USP9X: variants seen among roughly 807,000 people sequenced by gnomAD.
The protein encoded by USP9X is ubiquitin carboxyl-terminal hydrolase 9X.
In USP9X, 7 loss-of-function variants were observed where a neutral mutation model predicts 190.3. The observed-to-expected ratio is 0.04, with a 90% CI of 0.02 to 0.07. The LOEUF (loss-of-function observed/expected upper bound fraction) is 0.07. Ranked by LOEUF, USP9X falls within the 10% of genes least tolerant of loss-of-function variation. The pLI is 1.00. For synonymous variants in USP9X, 645 were observed against 659.5 expected (o/e 0.98, Z 0.34); for missense variants, 1,010 against 1,916.9 (o/e 0.53, Z 8.83).
intron 41 of USP9X, among the ~76,000 whole-genome samples, chrX:41,228,556 G>A (rs2063334594): frequency 8.9e-6 from 1 of 112,127 alleles, no homozygotes; most frequent in African/African-American, 3.2e-5. Flanking sequence ...TGCCTTCAGA[G>A]ATGCAGTTTT....
At chrX:41,153,730 T>C (rs773779426) in intron 14 of USP9X, among the ~76,000 whole-genome samples, 1 of 112,236 alleles carries the variant, frequency 8.9e-6, no homozygotes, top group South Asian at 3.6e-4. Context: ...CTTCTCAGTA[T>C]ATACTGTTCC....
In USP9X at chrX:41,205,450, C is replaced by A. The variant is rs1206153335; in HGVS notation, c.4972C>A (p.Arg1658=). Reference sequence around the variant, plus strand: ...CATCTTTGGTCATTTAGCTGCTTCTCGACTGCAATACTATGTGCCCAGAGG... The same window carrying A: ...CATCTTTGGTCATTTAGCTGCTTCTAGACTGCAATACTATGTGCCCAGAGG... The part of the protein sequence containing the change: ...QVIFGHLAAS[R]LQYYVPRGFW... The change falls in exon 32 of 45, where the codon CGA becomes AGA. Residue 1658 remains arginine (R), a synonymous_variant. Transcript: ENST00000378308. 2 of 1,210,431 alleles carry A rather than the reference C, an allele frequency of 1.7e-6. No homozygotes were observed. The highest frequency in any genetic ancestry group is 3.0e-5 in the East Asian group (1 of 33,776).
In USP9X at chrX:41,229,503, A is replaced by G. The variant is rs2063342661; in HGVS notation, c.7219-64A>G. The stretch of plus-strand genomic sequence containing the variant: ...AGAATCATGAGAACTTGGGGTTGTC[A>G]TTTTAAGTTAACTTTGAAGTATTCC... On this transcript the variant is annotated intron_variant, in intron 42 of 44. Transcript: ENST00000378308. 26 of 1,167,925 alleles carry G rather than the reference A, an allele frequency of 2.2e-5. No homozygotes were observed. The South Asian group carries it at 4.2e-4, about 19-fold the overall frequency.
intron 20 of USP9X, among the ~76,000 whole-genome samples, chrX:41,171,151 AC>A (rs932190628): frequency 1.3e-4 from 14 of 111,690 alleles, no homozygotes; most frequent in Admixed American, 1.2e-3. Flanking sequence ...TAAAATTTAT[AC>A]CACAAAACGG....
At chrX:41,089,324 A>G (rs772711544) in intron 1 of USP9X, among the ~76,000 whole-genome samples, 68 of 111,990 alleles carry the variant, frequency 6.1e-4, no homozygotes, top group Non-Finnish European at 9.8e-4. Context: ...GTGAAATGAC[A>G]CTGATTGCTA....
At chrX:41,167,828 T>C (rs887119583) in intron 17 of USP9X, among the ~76,000 whole-genome samples, 179 bp from the exon 18 acceptor site, 1 of 112,502 alleles carries the variant, frequency 8.9e-6, no homozygotes, top group African/African-American at 3.2e-5. Context: ...ACTTATGTAA[T>C]GCTAGCTTCC....
chrX:41,224,727 A>T lies in USP9X; in HGVS notation c.6752-15A>T. The T allele has an allele frequency of 8.5e-7, 1 of 1,177,637 alleles. No homozygotes were observed. The highest frequency in any genetic ancestry group is 2.3e-5 in the Admixed American group (1 of 44,172). ...AGCTTATTAGTTTTTTATTGGTGAC[A>T]AATCTGTATTCTAGGTAATCCTCCT... On this transcript the variant is annotated splice_polypyrimidine_tract_variant and intron_variant, in intron 39 of 44. Coordinates refer to ENST00000378308, the MANE Select transcript of USP9X (RefSeq NM_001039591.3).
intron 1 of USP9X, among the ~76,000 whole-genome samples, chrX:41,086,634 C>G (rs1306472507): frequency 8.9e-6 from 1 of 112,254 alleles, no homozygotes; most frequent in Non-Finnish European, 1.9e-5. Context: ...CCGCCTCCCC[C>G]CACCCTCCCG....
chrX:41,210,815 A>G, intron 33 of USP9X, 133 bp downstream of exon 33: 1 of 688,790 alleles, frequency 1.5e-6, no homozygotes, highest in Non-Finnish European at 2.1e-6. Flanking sequence ...AGAATGATTT[A>G]TATACTTTGC....
chrX:41,216,152 A>G lies in USP9X; in HGVS notation c.5585A>G (p.Lys1862Arg). ...GAAAGTGAGACAGCAGGAAGCACAA[A>G]ATACAGACTTGTGGGTGTGCTCGTA... The part of the protein sequence containing the change: ...QSESETAGST[K>R]YRLVGVLVHS... Residue 1862 changes from lysine to arginine, a missense_variant, in exon 35 of 45, where the codon AAA becomes AGA. By Grantham distance (26) the Lys-to-Arg change is conservative. Transcript: ENST00000378308. 2 of 1,211,752 alleles carry G rather than the reference A, an allele frequency of 1.7e-6. No homozygotes were observed. Among genetic ancestry groups the G allele is most frequent in the Non-Finnish European group, 2.2e-6 (2 of 895,529 alleles).
intron 38 of USP9X, among the ~76,000 whole-genome samples, chrX:41,221,029 C>T (rs1352218497): frequency 2.8e-5 from 3 of 108,625 alleles, no homozygotes; most frequent in Admixed American, 9.9e-5. Flanking sequence ...TTTGGGAGGC[C>T]GAGGCAGGCA....
chrX:41,189,729 G>A (rs962592130), intron 26 of USP9X: 3 of 241,632 alleles, frequency 1.2e-5, no homozygotes, highest in Non-Finnish European at 2.2e-5. Context: ...GAGGTATATA[G>A]ATTAGCCTAT....
At chrX:41,186,492 A>G in intron 23 of USP9X, 25 bp from the exon 24 acceptor site, 3 of 1,209,096 alleles carry the variant, frequency 2.5e-6, no homozygotes, top group Non-Finnish European at 3.4e-6. Flanking sequence ...TATTTACTCC[A>G]AATAAAATGG....
intron 32 of USP9X, among the ~76,000 whole-genome samples, chrX:41,205,844 T>C (rs944150270): frequency 6.4e-5 from 7 of 109,710 alleles, no homozygotes; most frequent in African/African-American, 2.3e-4. Context: ...ATTTAATCTA[T>C]ATTCTTAACC....
chrX:41,113,823 A>T (rs1255889887), intron 1 of USP9X, among the ~76,000 whole-genome samples: 1 of 111,806 alleles, frequency 8.9e-6, no homozygotes, highest in Non-Finnish European at 1.9e-5. Flanking sequence ...ATACATGTAG[A>T]TAATAATCTA....
chrX:41,156,582 A>G (rs949175468), intron 14 of USP9X, among the ~76,000 whole-genome samples: 2 of 111,765 alleles, frequency 1.8e-5, no homozygotes, highest in Non-Finnish European at 3.8e-5. Flanking sequence ...TGGACATTAT[A>G]TGTCAGGGAG....
At chrX:41,100,633 ATTTT>A (rs2062027471) in intron 1 of USP9X, among the ~76,000 whole-genome samples, 1 of 110,274 alleles carries the variant, frequency 9.1e-6, no homozygotes, top group African/African-American at 3.3e-5. Context: ...CAACTCTCTT[ATTTT>A]TTATTTATTT....
chrX:41,101,809 TAAATA>T (rs1408614154), intron 1 of USP9X, among the ~76,000 whole-genome samples: 1 of 112,667 alleles, frequency 8.9e-6, no homozygotes, highest in Non-Finnish European at 1.9e-5. Flanking sequence ...GATGAATGCA[TAAATA>T]AAATATACAA....
intron 14 of USP9X, 35 bp from the exon 15 acceptor site, chrX:41,162,755 A>G (rs769063336): frequency 8.9e-7 from 1 of 1,126,595 alleles, no homozygotes; most frequent in South Asian, 2.1e-5. Flanking sequence ...TGGGTTATCC[A>G]TGTGTATAAT....
Sources: allele counts gnomAD v4.1 joint callset (sites outside exome capture counted in the v4.1 genomes callset), GRCh38; gene constraint gnomAD v4.1.1; transcripts MANE v1.5; gene names NCBI Gene and HGNC (gene_info 2026-07-23, HGNC 2026-07-21).